Variants in MYH10 observed in about 807,000 individuals in gnomAD.
The protein encoded by MYH10 is myosin heavy chain 10.
MYH10 carries 55 observed loss-of-function variants against 257.8 expected under a neutral mutation model. The observed-to-expected ratio is 0.21, with a 90% CI of 0.17 to 0.27. The LOEUF (loss-of-function observed/expected upper bound fraction) is 0.27. Among genes scored for constraint, MYH10 ranks in the 10% least tolerant of loss-of-function variants. MYH10 has a pLI of 1.00. For missense variants in MYH10, 1,631 were observed against 2,500.6 expected (o/e 0.65, Z 7.42); for synonymous variants, 854 against 921.7 (o/e 0.93, Z 1.33).
At chr17:8,627,885 T>C (rs933198744) in intron 1 of MYH10, among the ~76,000 whole-genome samples, 4 of 152,214 alleles carry the variant, frequency 2.6e-5, no homozygotes, top group African/African-American at 7.2e-5. Flanking sequence ...AGATGAGGAA[T>C]CTGAGGTACA....
At chr17:8,553,892 A>G in intron 8 of MYH10, 63 bp downstream of exon 8, 5 of 1,361,398 alleles carry the variant, frequency 3.7e-6, no homozygotes, top group South Asian at 1.2e-5. Flanking sequence ...GACGGTTGCC[A>G]TGGGGTTGTA....
chr17:8,626,491 C>G (rs1205647313), intron 1 of MYH10, among the ~76,000 whole-genome samples: 1 of 151,510 alleles, frequency 6.6e-6, no homozygotes, highest in African/African-American at 2.4e-5. Flanking sequence ...CACTTGAGCC[C>G]AGGAGGCAGA....
At chr17:8,607,824 A>G (rs1194869849) in intron 2 of MYH10, among the ~76,000 whole-genome samples, 1 of 152,202 alleles carries the variant, frequency 6.6e-6, no homozygotes. Context: ...CCAAAAAGAG[A>G]AAGAGAAAGA....
At chr17:8,587,145 C>G (rs1190244098) in intron 4 of MYH10, among the ~76,000 whole-genome samples, 2 of 152,178 alleles carry the variant, frequency 1.3e-5, no homozygotes, top group Non-Finnish European at 2.9e-5. Context: ...AACCAAGGCA[C>G]CCCCACCAAC....
At chr17:8,584,919 C>T (rs1303620034) in intron 4 of MYH10, among the ~76,000 whole-genome samples, 1 of 152,098 alleles carries the variant, frequency 6.6e-6, no homozygotes, top group African/African-American at 2.4e-5. Context: ...TCTCAGCTCA[C>T]CACAACCTCC....
At chr17:8,484,008 TAAAA>T in intron 37 of MYH10, 126 bp downstream of exon 37, 2 of 840,376 alleles carry the variant, frequency 2.4e-6, no homozygotes, top group Admixed American at 3.0e-5. Flanking sequence ...AATGGATACT[TAAAA>T]AAATAAAAAA....
At chr17:8,576,762 C>G in intron 5 of MYH10, 90 bp from the exon 6 acceptor site, 3 of 1,253,446 alleles carry the variant, frequency 2.4e-6, no homozygotes, top group Non-Finnish European at 3.4e-6. Context: ...AGCCAATGTG[C>G]AGTTGAGAAC....
At chr17:8,553,615 A>T (rs2151967114) in intron 8 of MYH10, among the ~76,000 whole-genome samples, 1 of 152,346 alleles carries the variant, frequency 6.6e-6, no homozygotes, top group South Asian at 2.1e-4. Context: ...TTCAATGATT[A>T]CATGCTCATC....
In MYH10 at chr17:8,477,370, T is replaced by C. The variant is rs185242736; in HGVS notation, c.5707-322A>G. ...GTGACCTAGGGGACTGAAAGGGAAT[T>C]GCTATTCTTGCAAAACGTGGAAGAA... On this transcript the variant is annotated intron_variant, in intron 41 of 42. Transcript: ENST00000360416. This position sits in a 1 kb window ranked among gnomAD's most constrained non-coding sequence, Gnocchi z 4.2. Among the ~76,000 whole-genome samples, 161 of 152,272 alleles carry C rather than the reference T, an allele frequency of 1.1e-3. 2 individuals are homozygous for C. Among genetic ancestry groups the C allele is most frequent in the Non-Finnish European group, 2.1e-4 (14 of 68,012 alleles).
intron 1 of MYH10, among the ~76,000 whole-genome samples, chr17:8,625,492 T>C (rs904353546): frequency 1.3e-5 from 2 of 151,960 alleles, no homozygotes; most frequent in African/African-American, 4.8e-5. Context: ...ATTTTTTTTT[T>C]TTTTGAGACA....
intron 21 of MYH10, among the ~76,000 whole-genome samples, chr17:8,514,205 G>A (rs1248655206): frequency 1.3e-5 from 2 of 152,120 alleles, no homozygotes; most frequent in East Asian, 1.9e-4. Context: ...CTAAGAAACC[G>A]ATTTTCCTGA....
At chr17:8,590,612 C>G (rs1171667453) in intron 3 of MYH10, among the ~76,000 whole-genome samples, 1 of 152,128 alleles carries the variant, frequency 6.6e-6, no homozygotes, top group Non-Finnish European at 1.5e-5. Flanking sequence ...GCACCCGGCC[C>G]TAATTTCATT....
At chr17:8,478,559 T>A in intron 40 of MYH10, 113 bp from the exon 41 acceptor site, 1 of 885,392 alleles carries the variant, frequency 1.1e-6, no homozygotes, top group Non-Finnish European at 1.8e-6. Flanking sequence ...GGAGGCATTA[T>A]GGACCTCTCT....
chr17:8,602,111 G>A (rs1055926330), intron 3 of MYH10, among the ~76,000 whole-genome samples: 13 of 152,098 alleles, frequency 8.5e-5, no homozygotes, highest in Non-Finnish European at 1.8e-4. Flanking sequence ...GAGTAGCTGG[G>A]ACTACAGGCG....
chr17:8,596,216 G>C (rs1396393853), intron 3 of MYH10, among the ~76,000 whole-genome samples: 1 of 149,324 alleles, frequency 6.7e-6, no homozygotes. Context: ...GCAGTGGCGC[G>C]ATCTTGGCTC....
At chr17:8,540,688 T>G (rs1409515203) in intron 14 of MYH10, among the ~76,000 whole-genome samples, 1 of 152,230 alleles carries the variant, frequency 6.6e-6, no homozygotes, top group Non-Finnish European at 1.5e-5. Flanking sequence ...CATTATATTC[T>G]TAAAATGTAG....
intron 24 of MYH10, 74 bp from the exon 25 acceptor site, chr17:8,510,023 A>G (rs1349383641): frequency 1.4e-6 from 2 of 1,404,676 alleles, no homozygotes; most frequent in Non-Finnish European, 1.9e-6. Flanking sequence ...ACAGGAATGC[A>G]TTACAATGAG....
At chr17:8,604,751 A>G (rs2084735785) in intron 3 of MYH10, 75 bp downstream of exon 3, 2 of 1,053,966 alleles carry the variant, frequency 1.9e-6, no homozygotes, top group Non-Finnish European at 2.6e-6. Flanking sequence ...TTTGTAGAAT[A>G]CATTGAGACA....
intron 3 of MYH10, among the ~76,000 whole-genome samples, chr17:8,591,647 T>C (rs1410357764): frequency 1.3e-5 from 2 of 152,122 alleles, no homozygotes; most frequent in East Asian, 1.9e-4. Context: ...CCAAATCGAA[T>C]TGCCTCCTAA....
Sources: gnomAD v4.1 joint callset for allele counts (sites outside exome capture counted in the v4.1 genomes callset) on GRCh38, gnomAD v4.1.1 for gene constraint, Gnocchi (gnomAD v3.1) non-coding constraint, MANE v1.5 for transcripts, NCBI Gene and HGNC (gene_info 2026-07-23, HGNC 2026-07-21) for gene names.